IQSEC1: variants seen among roughly 807,000 people sequenced by gnomAD.
The protein encoded by IQSEC1 is IQ motif and Sec7 domain ArfGEF 1, also known as IQ motif and SEC7 domain-containing protein 1.
Under a neutral mutation model 91.0 loss-of-function variants are expected in IQSEC1, and 31 were observed. The observed-to-expected ratio is 0.34, with a 90% confidence interval of 0.26 to 0.46. The LOEUF (loss-of-function observed/expected upper bound fraction) is 0.46, where lower values mean the gene tolerates loss of function less well. Ranked by LOEUF, IQSEC1 falls within the 20% of genes least tolerant of loss-of-function variation. The probability of loss-of-function intolerance (pLI) is 1.00; values close to 1 mark genes in which losing one functional copy is unlikely to be tolerated. For synonymous variants in IQSEC1, 699 were observed against 662.6 expected (o/e 1.05, Z -0.84); for missense variants, 1,388 against 1,575.6 (o/e 0.88, Z 2.02).
chr3:13,097,368 C>T (rs1359738043), intron 2 of IQSEC1, among the ~76,000 whole-genome samples: 1 of 152,224 alleles, frequency 6.6e-6, no homozygotes, highest in African/African-American at 2.4e-5. Flanking sequence ...TGGCTCTGGT[C>T]CCCTCCAGTC....
intron 12 of IQSEC1, among the ~76,000 whole-genome samples, chr3:12,905,275 C>A: frequency 6.6e-6 from 1 of 152,270 alleles, no homozygotes; most frequent in East Asian, 1.9e-4. Context: ...GATGATTCTT[C>A]ACAACCTTTT....
At chr3:13,011,253 G>C (rs897376220) in intron 1 of IQSEC1, among the ~76,000 whole-genome samples, 2 of 152,178 alleles carry the variant, frequency 1.3e-5, no homozygotes, top group African/African-American at 4.8e-5. Flanking sequence ...ACCCGCAGGG[G>C]CTTAGAGGCT....
intron 1 of IQSEC1, among the ~76,000 whole-genome samples, chr3:13,168,301 A>T (rs979239348): frequency 5.3e-5 from 8 of 152,236 alleles, no homozygotes; most frequent in African/African-American, 1.4e-4. Context: ...AGTAAAAATC[A>T]TCTCTAATCC....
intron 2 of IQSEC1, among the ~76,000 whole-genome samples, chr3:13,079,668 C>T (rs569876197): frequency 2.6e-5 from 4 of 152,320 alleles, no homozygotes; most frequent in South Asian, 4.1e-4. Context: ...TTCTCATCAC[C>T]GGAGCCCTGG....
chr3:13,041,223 G>A (rs1394398420), intron 1 of IQSEC1, among the ~76,000 whole-genome samples: 2 of 25,426 alleles, frequency 7.9e-5, no homozygotes, highest in African/African-American at 6.7e-5. Flanking sequence ...CCTGGGGGCG[G>A]GGGGTGGGGT....
At chr3:12,936,718 T>C (rs1027933443) in intron 2 of IQSEC1, 21 bp from the exon 3 acceptor site, 12 of 1,549,468 alleles carry the variant, frequency 7.7e-6, no homozygotes, top group Admixed American at 1.9e-5. Context: ...GAGAGGAGAA[T>C]GAGAACAGCA....
chr3:12,960,861 T>G (rs1032496912), intron 1 of IQSEC1, among the ~76,000 whole-genome samples: 1 of 152,204 alleles, frequency 6.6e-6, no homozygotes, highest in Non-Finnish European at 1.5e-5. Context: ...CCGGCACGCA[T>G]AGTCACCTGT....
rs545870022 is a variant in IQSEC1, at chr3:13,276,974, T to C, written c.272+5737A>G. Among the ~76,000 whole-genome samples the C allele has an allele frequency of 1.4e-3, 208 of 152,114 alleles. 1 individual carries two copies. Among genetic ancestry groups the C allele is most frequent in the African/African-American group, 4.8e-3 (199 of 41,484 alleles). Reference sequence around the variant, plus strand: ...TCAATTAGGTCAATTCCCTCTCCCCTATTCCAGTTCTTGCCAAATGCCTGG... The same window carrying C: ...TCAATTAGGTCAATTCCCTCTCCCCCATTCCAGTTCTTGCCAAATGCCTGG... On this transcript the variant is annotated intron_variant, in intron 1 of 15. Coordinates refer to the IQSEC1 transcript ENST00000648114.
intron 3 of IQSEC1, among the ~76,000 whole-genome samples, chr3:12,933,814 C>T (rs1010083026): frequency 6.6e-6 from 1 of 152,260 alleles, no homozygotes; most frequent in Non-Finnish European, 1.5e-5. Context: ...TTATCCTGAG[C>T]TGCAAGGCAT....
rs796663192 is a variant in IQSEC1, at chr3:13,276,080, C to CTTTTTTT, written c.272+6624_272+6630dup. Among the ~76,000 whole-genome samples, 34 of 79,550 alleles carry CTTTTTTT rather than the reference C, an allele frequency of 4.3e-4. 6 individuals are homozygous for CTTTTTTT. Among genetic ancestry groups the CTTTTTTT allele is most frequent in the Admixed American group, 5.2e-4 (3 of 5,754 alleles). The allele number at this position is 79,550 out of a possible 152,430, so 52.2% of individuals were successfully genotyped here. A position where few individuals can be genotyped will look rare whatever the true frequency, so the allele number is the denominator to read the frequency against. On this transcript the variant is annotated intron_variant, in intron 1 of 15. Coordinates refer to the IQSEC1 transcript ENST00000648114. ...AGGGAAAACAATCCTCAAAAGCATT[C>CTTTTTTT]TTTTTTTTTTTTTTTTTTTTTTTTT...
chr3:13,253,442 G>A (rs1695234330), intron 1 of IQSEC1, among the ~76,000 whole-genome samples: 1 of 152,218 alleles, frequency 6.6e-6, no homozygotes, highest in Non-Finnish European at 1.5e-5. Context: ...CGGGTATTGA[G>A]TGGTGCGGTG....
chr3:12,989,794 G>A (rs1487496696), intron 1 of IQSEC1, among the ~76,000 whole-genome samples: 1 of 152,180 alleles, frequency 6.6e-6, no homozygotes, highest in South Asian at 2.1e-4. Context: ...GCAGCCCCCA[G>A]TAAGGAAGCC....
intron 2 of IQSEC1, among the ~76,000 whole-genome samples, chr3:13,158,239 T>C (rs772740109): frequency 2.6e-5 from 4 of 152,224 alleles, no homozygotes; most frequent in Non-Finnish European, 5.9e-5. Context: ...GTCTCTCACA[T>C]TTGGAGCCTG....
intron 1 of IQSEC1, among the ~76,000 whole-genome samples, chr3:13,230,845 G>A (rs1694828593): frequency 1.3e-5 from 2 of 152,206 alleles, no homozygotes; most frequent in South Asian, 4.1e-4. Flanking sequence ...TTGTTCTGCT[G>A]TTACCCATTG....
chr3:13,259,846 C>T lies in IQSEC1; in HGVS notation c.272+22865G>A, dbSNP rs150875484. ...GGTCAACGGGGCTTGCTTGTTGTGGCGCTCAGCGGGAGAAGTTTCTACCAT... is the reference window on the plus strand; with the variant it reads ...GGTCAACGGGGCTTGCTTGTTGTGGTGCTCAGCGGGAGAAGTTTCTACCAT... On this transcript the variant is annotated intron_variant, in intron 1 of 15. Coordinates refer to the IQSEC1 transcript ENST00000648114. The surrounding 1 kb of genome is among the most constrained non-coding windows in gnomAD (Gnocchi z 4.6). 4.2e-3 allele frequency among the ~76,000 whole-genome samples: 637 copies of T among 152,366 alleles called. 8 individuals are homozygous for T. The highest frequency in any genetic ancestry group is 0.014 in the African/African-American group (595 of 41,590).
intron 1 of IQSEC1, among the ~76,000 whole-genome samples, chr3:13,250,239 C>T (rs1015299626): frequency 5.9e-5 from 9 of 152,062 alleles, no homozygotes; most frequent in Admixed American, 2.0e-4. Context: ...CCTCCAGGTG[C>T]GGTGGGAGCC....
chr3:13,215,350 A>G lies in IQSEC1; in HGVS notation c.273-51217T>C, dbSNP rs556728897. ...GATTAGCACAGATCATCAGCCTACAACCAAAGTACCTGCTCCAGGAGCACA... is the reference window on the plus strand; with the variant it reads ...GATTAGCACAGATCATCAGCCTACAGCCAAAGTACCTGCTCCAGGAGCACA... On this transcript the variant is annotated intron_variant, in intron 1 of 15. Transcript: ENST00000648114. 5.1e-4 allele frequency among the ~76,000 whole-genome samples: 77 copies of G among 151,472 alleles called. 1 individual carries two copies. Among genetic ancestry groups the G allele is most frequent in the Middle Eastern group, 3.4e-3 (1 of 294 alleles).
chr3:13,236,468 G>A (rs1018677672), intron 1 of IQSEC1, among the ~76,000 whole-genome samples: 27 of 152,306 alleles, frequency 1.8e-4, no homozygotes, highest in African/African-American at 4.3e-4. Flanking sequence ...GTGGGGACAC[G>A]GTGGTTCCAG....
In IQSEC1 at chr3:12,921,284, C is replaced by T. The variant is rs146828384; in HGVS notation, c.1854-688G>A. ...CTTAGTGCCCTCCCCTCCAGGAAGC[C>T]GTCCTGGAAGGAGGTGGGTGCACCT... On this transcript the variant is annotated intron_variant, in intron 5 of 13. Transcript: ENST00000613206. 1.5e-3 allele frequency among the ~76,000 whole-genome samples: 235 copies of T among 152,258 alleles called. 1 individual carries two copies. Among genetic ancestry groups the T allele is most frequent in the Middle Eastern group, 6.8e-3 (2 of 294 alleles).
Sources: gnomAD v4.1 joint callset for allele counts (sites outside exome capture counted in the v4.1 genomes callset) on GRCh38, gnomAD v4.1.1 for gene constraint, Gnocchi (gnomAD v3.1) non-coding constraint, MANE v1.5 for transcripts, NCBI Gene and HGNC (gene_info 2026-07-23, HGNC 2026-07-21) for gene names.